TSPAN9: variants seen among roughly 807,000 people sequenced by gnomAD.
TSPAN9 encodes tetraspanin-9.
TSPAN9 carries 16 observed loss-of-function variants against 31.0 expected under a neutral mutation model. The observed-to-expected ratio is 0.52, with a 90% CI of 0.35 to 0.78. TSPAN9 has a LOEUF of 0.78. Among genes scored for constraint, TSPAN9 ranks in the 30% least tolerant of loss-of-function variants. TSPAN9 has a pLI of 0.01. For missense variants in TSPAN9, 272 were observed against 312.5 expected (o/e 0.87, Z 0.98); for synonymous variants, 145 against 121.6 (o/e 1.19, Z -1.27).
At chr12:3,130,415 G>A (rs1044143080) in intron 2 of TSPAN9, among the ~76,000 whole-genome samples, 1 of 152,250 alleles carries the variant, frequency 6.6e-6, no homozygotes, top group Admixed American at 6.5e-5. Context: ...CAGCAAGGCA[G>A]GGAGAGGTTT....
At chr12:3,085,018 G>A (rs998620074) in intron 2 of TSPAN9, among the ~76,000 whole-genome samples, 5 of 152,158 alleles carry the variant, frequency 3.3e-5, no homozygotes, top group African/African-American at 7.2e-5. Context: ...TTGAGGCACC[G>A]CGTATCACTG....
In TSPAN9 at chr12:3,163,761, T is replaced by C. The variant is rs546042702; in HGVS notation, c.-17-37416T>C. On this transcript the variant is annotated intron_variant, in intron 2 of 8. Transcript: ENST00000011898. ...CATCAGTGAGACCACACTACTAAGGTATTATGCTTGACTCCTGGCAGGAAG... is the reference window on the plus strand; with the variant it reads ...CATCAGTGAGACCACACTACTAAGGCATTATGCTTGACTCCTGGCAGGAAG... Among the ~76,000 whole-genome samples the C allele has an allele frequency of 4.3e-4, 66 of 152,276 alleles. No homozygotes were observed. The South Asian group carries it at 0.013, about 30-fold the overall frequency.
At chr12:3,121,532 ACTT>A (rs1460204214) in intron 2 of TSPAN9, among the ~76,000 whole-genome samples, 10 of 106,656 alleles carry the variant, frequency 9.4e-5, no homozygotes, top group African/African-American at 1.3e-4. Flanking sequence ...GCTAATTAAA[ACTT>A]TTTTTTTTTT....
chr12:3,104,244 T>C (rs2098313154), intron 2 of TSPAN9, among the ~76,000 whole-genome samples: 1 of 152,118 alleles, frequency 6.6e-6, no homozygotes, highest in South Asian at 2.1e-4. Context: ...TGGAGGGCTT[T>C]GAGCAAAGGA....
intron 1 of TSPAN9, among the ~76,000 whole-genome samples, chr12:3,077,819 C>G (rs1378595081): frequency 3.9e-5 from 6 of 152,134 alleles, no homozygotes; most frequent in African/African-American, 4.8e-5. Context: ...ACAGTCCATA[C>G]AAGGACCCCA....
intron 3 of TSPAN9, among the ~76,000 whole-genome samples, chr12:3,234,120 C>T: frequency 6.6e-6 from 1 of 152,134 alleles, no homozygotes; most frequent in African/African-American, 2.4e-5. Flanking sequence ...TGCCAAGTGC[C>T]TATAAAAAAG....
intron 3 of TSPAN9, among the ~76,000 whole-genome samples, chr12:3,220,682 GGGGGAT>G: frequency 6.6e-6 from 1 of 152,302 alleles, no homozygotes; most frequent in South Asian, 2.1e-4. Flanking sequence ...CCTGGCCTGT[GGGGGAT>G]GTTACTGGTG....
chr12:3,226,809 T>TTC (rs1314713016), intron 3 of TSPAN9, among the ~76,000 whole-genome samples: 2 of 100,738 alleles, frequency 2.0e-5, no homozygotes, highest in African/African-American at 7.8e-5. Flanking sequence ...TTTTTTTTTT[T>TTC]CCCTCTTCGA....
chr12:3,089,096 G>T lies in TSPAN9; in HGVS notation c.-18+5377G>T, dbSNP rs569277762. Among the ~76,000 whole-genome samples the T allele has an allele frequency of 1.7e-4, 26 of 151,670 alleles. No homozygotes were observed. In the East Asian group the frequency reaches 3.2e-3, roughly 19 times the overall value. ...AAATGCAAAAAATTAGCCGGGCGTG[G>T]TGGCGGGCGCCTGTAGTCCCAGCCA... On this transcript the variant is annotated intron_variant, in intron 2 of 8. Transcript: ENST00000011898.
At chr12:3,120,608 C>T (rs1464219178) in intron 2 of TSPAN9, among the ~76,000 whole-genome samples, 1 of 152,250 alleles carries the variant, frequency 6.6e-6, no homozygotes, top group Non-Finnish European at 1.5e-5. Context: ...TCACCTCTTT[C>T]CTTTTATGCC....
chr12:3,109,890 G>A (rs967514175), intron 2 of TSPAN9, among the ~76,000 whole-genome samples: 3 of 151,936 alleles, frequency 2.0e-5, no homozygotes, highest in Non-Finnish European at 4.4e-5. Flanking sequence ...CTTAGAGACT[G>A]TAGGTAAAAG....
intron 2 of TSPAN9, among the ~76,000 whole-genome samples, chr12:3,126,457 C>T (rs763998445): frequency 3.3e-5 from 5 of 152,200 alleles, no homozygotes; most frequent in African/African-American, 7.2e-5. Context: ...TGTGTCTATA[C>T]GCTGGAGCTG....
intron 3 of TSPAN9, among the ~76,000 whole-genome samples, chr12:3,259,287 C>T (rs914947071): frequency 1.3e-5 from 2 of 152,152 alleles, no homozygotes; most frequent in South Asian, 2.1e-4. Flanking sequence ...TTCTCTTTGC[C>T]GTAACTCAGT....
chr12:3,281,679 T>C, intron 7 of TSPAN9, 55 bp from the exon 8 acceptor site: 1 of 1,569,028 alleles, frequency 6.4e-7, no homozygotes, highest in Non-Finnish European at 8.7e-7. Context: ...GGGGCTGGGC[T>C]GCAGGGAGCG....
chr12:3,147,024 G>A lies in TSPAN9; in HGVS notation c.-17-54153G>A, dbSNP rs2098337584. Among the ~76,000 whole-genome samples the A allele has an allele frequency of 6.6e-6, 1 of 152,148 alleles. No individual in the cohort carries two copies. The highest frequency in any genetic ancestry group is 1.5e-5 in the Non-Finnish European group (1 of 68,022). On this transcript the variant is annotated intron_variant, in intron 2 of 8. Transcript: ENST00000011898. This position sits in a 1 kb window ranked among gnomAD's most constrained non-coding sequence, Gnocchi z 4.3. ...TTCAGTAGTATTTTGGACATCAAAT[G>A]GGTAGATGTAAGTGAAAGTTCATTG... is the stretch of plus-strand genomic sequence containing the variant.
At chr12:3,229,710 G>C (rs2098389670) in intron 3 of TSPAN9, among the ~76,000 whole-genome samples, 1 of 152,230 alleles carries the variant, frequency 6.6e-6, no homozygotes, top group Non-Finnish European at 1.5e-5. Context: ...GCTGAACCCA[G>C]AGTGAGAGGA....
At chr12:3,273,615 T>G (rs11832829) in intron 3 of TSPAN9, among the ~76,000 whole-genome samples, 3 of 152,210 alleles carry the variant, frequency 2.0e-5, no homozygotes, top group Non-Finnish European at 4.4e-5. Flanking sequence ...CCCTGAGCTT[T>G]GGCTGTGCCA....
At chr12:3,203,158 T>C (rs532297378) in intron 3 of TSPAN9, among the ~76,000 whole-genome samples, 9 of 143,720 alleles carry the variant, frequency 6.3e-5, no homozygotes, top group Admixed American at 4.1e-4. Context: ...ACCCCCACCC[T>C]GCCACCTGCT....
intron 2 of TSPAN9, among the ~76,000 whole-genome samples, chr12:3,084,392 T>C (rs2098299388): frequency 1.3e-5 from 2 of 152,174 alleles, no homozygotes; most frequent in Non-Finnish European, 2.9e-5. Flanking sequence ...TCCTGCGGCT[T>C]CTCCCTGCTG....
Sources: gnomAD v4.1 joint callset for allele counts (sites outside exome capture counted in the v4.1 genomes callset) on GRCh38, gnomAD v4.1.1 for gene constraint, Gnocchi (gnomAD v3.1) non-coding constraint, MANE v1.5 for transcripts, NCBI Gene and HGNC (gene_info 2026-07-23, HGNC 2026-07-21) for gene names.